Variants in ADGRD1 observed in about 807,000 individuals in gnomAD.
ADGRD1 encodes adhesion G protein-coupled receptor D1.
A neutral mutation model predicts 113.4 loss-of-function variants in ADGRD1; 77 were observed. That is an observed-to-expected ratio of 0.68 (90% CI 0.57 to 0.82). ADGRD1 has a LOEUF of 0.82. Among genes scored for constraint, ADGRD1 ranks in the 40% least tolerant of loss-of-function variants. The pLI is 0.00. For synonymous variants in ADGRD1, 474 were observed against 475.0 expected (o/e 1.00, Z 0.03); for missense variants, 1,036 against 1,139.1 (o/e 0.91, Z 1.30).
chr12:131,002,413 C>A, intron 9 of ADGRD1: 1 of 633,952 alleles, frequency 1.6e-6, no homozygotes, highest in African/African-American at 2.0e-5. Context: ...TTGGCCTCAG[C>A]ATTCTATTTC....
At position 130,998,711 on chromosome 12, in the gene ADGRD1, C is replaced by T. The variant is rs569411534; in HGVS notation, c.967-1672C>T. Among the ~76,000 whole-genome samples the T allele has an allele frequency of 6.6e-5, 10 of 152,286 alleles. No homozygotes were observed. In the South Asian group the frequency reaches 1.5e-3, roughly 22 times the overall value. On this transcript the variant is annotated intron_variant, in intron 8 of 24. Coordinates refer to ENST00000261654, the MANE Select transcript of ADGRD1 (RefSeq NM_198827.5). ...AACTCCTGACCTCAAATGATCCACC[C>T]GTCTCAGCCTCCCAAAGTGCTGGGA...
At chr12:131,103,078 T>C (rs1291465360) in intron 15 of ADGRD1, among the ~76,000 whole-genome samples, 1 of 152,296 alleles carries the variant, frequency 6.6e-6, no homozygotes, top group Admixed American at 6.5e-5. Context: ...ACCTTTCCCG[T>C]GATAGCCACA....
rs1432494536 is a variant in ADGRD1 at position 131,096,549 on chromosome 12, G to A, written c.1672-8282G>A. On this transcript the variant is annotated intron_variant, in intron 15 of 24. Transcript: ENST00000261654. This position sits in a 1 kb window ranked among gnomAD's most constrained non-coding sequence, Gnocchi z 5.2. ...ACTGAAGTCATGGTGGTCTTTGGCC[G>A]CAGCAAATAACCAGCATCCTATGCA... Among the ~76,000 whole-genome samples the A allele has an allele frequency of 1.3e-5, 2 of 152,202 alleles. No individual in the cohort carries two copies. The highest frequency in any genetic ancestry group is 1.5e-5 in the Non-Finnish European group (1 of 68,044).
chr12:131,023,748 G>T (rs1879607339), intron 13 of ADGRD1: 1 of 152,186 alleles, frequency 6.6e-6, no homozygotes, highest in Admixed American at 6.5e-5. Context: ...TAAATAACTT[G>T]TTGCAGCAAA....
At chr12:130,988,848 T>A (rs943135496) in intron 6 of ADGRD1, 2 of 152,254 alleles carry the variant, frequency 1.3e-5, no homozygotes, top group Admixed American at 6.5e-5. Flanking sequence ...GCACCTTCCA[T>A]GAGTCATTTT....
intron 5 of ADGRD1, among the ~76,000 whole-genome samples, chr12:130,982,769 G>A (rs1374230309): frequency 1.3e-5 from 2 of 152,154 alleles, no homozygotes; most frequent in African/African-American, 4.8e-5. Flanking sequence ...GTTGAGACAT[G>A]GACGTGGGGC....
intron 8 of ADGRD1, among the ~76,000 whole-genome samples, chr12:130,994,908 T>TA (rs1435186824): frequency 2.0e-5 from 3 of 152,192 alleles, no homozygotes; most frequent in African/African-American, 2.4e-5. Context: ...ATGCTGGTCC[T>TA]AAAGGTCACT....
Position 130,966,405 on chromosome 12 carries a change from C to A in ADGRD1, c.104-58C>A. 9.1e-7 allele frequency: 1 copy of A among 1,102,076 alleles called. No homozygotes were observed. Among genetic ancestry groups the A allele is most frequent in the Non-Finnish European group, 1.4e-6 (1 of 714,870 alleles). The allele number at this position is 1,102,076 out of a possible 1,614,324, so 68.3% of individuals were successfully genotyped here. On this transcript the variant is annotated intron_variant, in intron 2 of 24. Coordinates refer to ENST00000261654, the MANE Select transcript of ADGRD1 (RefSeq NM_198827.5). The surrounding 1 kb of genome is among the most constrained non-coding windows in gnomAD (Gnocchi z 4.6). The stretch of plus-strand genomic sequence containing the variant: ...TAATGTGTGTGCTAAGCGGTTCTTA[C>A]CCTCTGGTTCTTTCCTCTCTAATGA...
intron 18 of ADGRD1, among the ~76,000 whole-genome samples, chr12:131,109,990 TC>T (rs1950315295): frequency 6.6e-6 from 1 of 152,244 alleles, no homozygotes; most frequent in Admixed American, 6.5e-5. Context: ...TAAAGTCTGT[TC>T]GTCCCATATG....
intron 11 of ADGRD1, 85 bp from the exon 12 acceptor site, chr12:131,005,887 A>G: frequency 9.8e-7 from 1 of 1,020,218 alleles, no homozygotes; most frequent in African/African-American, 1.6e-5. Flanking sequence ...GGGCAGCACC[A>G]TGCATGGCGG....
In ADGRD1 at chr12:131,006,021, G is replaced by A; in HGVS notation, c.1305G>A (p.Leu435=). 6.2e-7 allele frequency: 1 copy of A among 1,612,722 alleles called. No homozygotes were observed. Among genetic ancestry groups the A allele is most frequent in the Non-Finnish European group, 8.5e-7 (1 of 1,179,994 alleles). The change falls in exon 12 of 25, where the codon CTG becomes CTA. Residue 435 remains leucine (L), a synonymous_variant. Transcript: ENST00000261654. ...TGTACCACAGCATGCACTACTACCT[G>A]AACAACATCTGGCCCGCCCACACCA... The part of the protein sequence containing the change: ...GLLYHSMHYY[L]NNIWPAHTKI...
intron 13 of ADGRD1, among the ~76,000 whole-genome samples, chr12:131,064,699 C>T (rs2137102836): frequency 6.6e-6 from 1 of 152,304 alleles, no homozygotes; most frequent in South Asian, 2.1e-4. Flanking sequence ...AATTGAGGAT[C>T]CCATATCTTC....
At chr12:131,079,116 T>C (rs1885870873) in intron 14 of ADGRD1, among the ~76,000 whole-genome samples, 1 of 152,248 alleles carries the variant, frequency 6.6e-6, no homozygotes, top group Non-Finnish European at 1.5e-5. Context: ...GGAAGCCTTT[T>C]GGAGTCTAGC....
chr12:130,959,972 G>C (rs1313207551), intron 2 of ADGRD1, among the ~76,000 whole-genome samples: 1 of 152,156 alleles, frequency 6.6e-6, no homozygotes, highest in Non-Finnish European at 1.5e-5. Flanking sequence ...TCCAGGGTCG[G>C]CAGAGTCCGG....
Position 130,981,956 on chromosome 12 carries a change from A to G in ADGRD1, c.383A>G (p.Gln128Arg). 6.2e-7 allele frequency: 1 copy of G among 1,613,124 alleles called. No homozygotes were observed. Among genetic ancestry groups the G allele is most frequent in the Non-Finnish European group, 8.5e-7 (1 of 1,179,034 alleles). Reference protein sequence around the residue: ...SRPIPSAYGGQVISNGFKVCS... With the variant: ...SRPIPSAYGGRVISNGFKVCS... ...CCAATCCCTTCTGCGTATGGGGGAC[A>G]GGTCATCTCCAATGGGTTCAAAGTC... The change falls in exon 5 of 25, where the codon CAG (glutamine) becomes CGG (arginine). Residue 128 changes from glutamine to arginine, a missense_variant. By Grantham distance (43) the Gln-to-Arg change is conservative. Transcript: ENST00000261654.
At chr12:131,007,350 C>T (rs1200834787) in intron 12 of ADGRD1, among the ~76,000 whole-genome samples, 1 of 152,224 alleles carries the variant, frequency 6.6e-6, no homozygotes, top group Non-Finnish European at 1.5e-5. Context: ...TGGCTGCCTT[C>T]CAATACAGCT....
At chr12:131,093,985 C>G (rs1452463989) in intron 15 of ADGRD1, among the ~76,000 whole-genome samples, 4 of 150,576 alleles carry the variant, frequency 2.7e-5, no homozygotes, top group African/African-American at 9.8e-5. Flanking sequence ...AGCACCCAGC[C>G]TCAGCACCCA....
intron 3 of ADGRD1, chr12:130,969,697 G>A (rs1871396414): frequency 6.6e-6 from 1 of 152,286 alleles, no homozygotes; most frequent in South Asian, 2.1e-4. Context: ...CACAATAAAT[G>A]TAATGCACTT....
At chr12:130,957,366 T>TACAC (rs1423893650) in intron 2 of ADGRD1, 4 of 152,178 alleles carry the variant, frequency 2.6e-5, no homozygotes, top group African/African-American at 9.7e-5. Flanking sequence ...CGCACATCTC[T>TACAC]ACACACATGC....
Sources: gnomAD v4.1 joint callset for allele counts (sites outside exome capture counted in the v4.1 genomes callset) on GRCh38, gnomAD v4.1.1 for gene constraint, Gnocchi (gnomAD v3.1) non-coding constraint, MANE v1.5 for transcripts, NCBI Gene and HGNC (gene_info 2026-07-23, HGNC 2026-07-21) for gene names.